Variants in HCN1 observed in about 807,000 individuals in gnomAD.
The protein encoded by HCN1 is hyperpolarization activated cyclic nucleotide gated potassium channel 1, also known as potassium/sodium hyperpolarization-activated cyclic nucleotide-gated channel 1.
Under a neutral mutation model 78.9 loss-of-function variants are expected in HCN1, and 13 were observed. That is an observed-to-expected ratio of 0.16 (90% CI 0.11 to 0.26). The LOEUF is 0.26. HCN1 is among the 10% of genes least tolerant of loss of function. HCN1 has a pLI of 1.00. For synonymous variants in HCN1, 552 were observed against 455.5 expected, an observed-to-expected ratio of 1.21 and a Z score of -2.70; for missense variants, 810 against 1,154.3, an observed-to-expected ratio of 0.70 and a Z score of 4.32.
At chr5:45,399,481 TGA>T (rs1357376541) in intron 3 of HCN1, among the ~76,000 whole-genome samples, 3 of 152,188 alleles carry the variant, frequency 2.0e-5, no homozygotes, top group African/African-American at 7.2e-5. Flanking sequence ...CTTTTGACAG[TGA>T]GGGGCTCTGT....
intron 2 of HCN1, among the ~76,000 whole-genome samples, chr5:45,621,110 G>A (rs540450065): frequency 2.0e-5 from 3 of 152,204 alleles, no homozygotes; most frequent in African/African-American, 7.2e-5. Context: ...AATGATTCTG[G>A]GTTGAGGACA....
chr5:45,294,995 T>A (rs554494764), intron 6 of HCN1, among the ~76,000 whole-genome samples: 2 of 152,196 alleles, frequency 1.3e-5, no homozygotes, highest in East Asian at 1.9e-4. Context: ...AAGAGGATGA[T>A]GAGATTATAA....
intron 1 of HCN1, among the ~76,000 whole-genome samples, chr5:45,692,647 C>G (rs570136672): frequency 1.3e-5 from 2 of 152,076 alleles, no homozygotes; most frequent in Admixed American, 1.3e-4. Flanking sequence ...GCCCTACTTA[C>G]GCCAGGGGTA....
At chr5:45,427,319 C>T (rs1009807397) in intron 3 of HCN1, among the ~76,000 whole-genome samples, 1 of 151,832 alleles carries the variant, frequency 6.6e-6, no homozygotes, top group African/African-American at 2.4e-5. Context: ...GTGGCTGTTC[C>T]CAGAATGTAG....
chr5:45,277,569 A>C (rs1045822058), intron 6 of HCN1, among the ~76,000 whole-genome samples: 1 of 152,176 alleles, frequency 6.6e-6, no homozygotes. Context: ...TGCATAAAAA[A>C]ACTAATTTCA....
At chr5:45,305,041 T>A (rs909431070) in intron 5 of HCN1, among the ~76,000 whole-genome samples, 3 of 152,166 alleles carry the variant, frequency 2.0e-5, no homozygotes, top group African/African-American at 7.2e-5. Context: ...TACCAATTAG[T>A]TACCCCAAAA....
At chr5:45,457,754 G>T (rs1312563067) in intron 3 of HCN1, among the ~76,000 whole-genome samples, 2 of 152,152 alleles carry the variant, frequency 1.3e-5, no homozygotes, top group African/African-American at 4.8e-5. Flanking sequence ...CATAAGGATA[G>T]AAGGGTGAAA....
In HCN1 at chr5:45,254,978, T is replaced by A. The variant is rs1428452947; in HGVS notation, c.*6943A>T. ...ACCACATTCATTTATTTTTATAATG[T>A]CAATGTATTATTGATAGCATTAAAA... is the stretch of plus-strand genomic sequence containing the variant. On this transcript the variant is annotated 3_prime_UTR_variant, in exon 8 of 8. Transcript: ENST00000303230. The A allele has an allele frequency of 6.6e-6, 1 of 152,236 alleles. No individual in the cohort carries two copies. Among genetic ancestry groups the A allele is most frequent in the African/African-American group, 2.4e-5 (1 of 41,458 alleles). 9.4% of individuals were successfully genotyped at this position (152,236 alleles called of 1,614,324 possible).
chr5:45,305,296 C>T (rs1245395933), intron 5 of HCN1, among the ~76,000 whole-genome samples: 2 of 152,106 alleles, frequency 1.3e-5, no homozygotes, highest in Non-Finnish European at 2.9e-5. Context: ...CAGGTGATAA[C>T]AGAAGGCACA....
At chr5:45,482,863 T>C (rs549055779) in intron 2 of HCN1, among the ~76,000 whole-genome samples, 2 of 152,270 alleles carry the variant, frequency 1.3e-5, no homozygotes, top group East Asian at 1.9e-4. Context: ...GTAGTATTTG[T>C]TTTTCCATTC....
intron 5 of HCN1, among the ~76,000 whole-genome samples, chr5:45,318,553 G>A (rs1292062933): frequency 6.6e-6 from 1 of 150,454 alleles, no homozygotes; most frequent in Non-Finnish European, 1.5e-5. Flanking sequence ...CCTAGAACTT[G>A]TATAATAAAA....
intron 1 of HCN1, among the ~76,000 whole-genome samples, chr5:45,679,708 A>C (rs1166766037): frequency 6.6e-6 from 1 of 152,146 alleles, no homozygotes; most frequent in Non-Finnish European, 1.5e-5. Flanking sequence ...TTTCAATACA[A>C]AAAGTAGATA....
intron 4 of HCN1, among the ~76,000 whole-genome samples, chr5:45,357,034 A>AT (rs1009329106): frequency 6.6e-6 from 1 of 151,484 alleles, no homozygotes. Flanking sequence ...ATTTAGTATT[A>AT]TTTTTTTTCT....
intron 1 of HCN1, 33 bp downstream of exon 1, chr5:45,695,636 A>G: frequency 6.2e-7 from 1 of 1,602,098 alleles, no homozygotes; most frequent in South Asian, 1.1e-5. Context: ...GCGCGCCTGA[A>G]GGGAGGGTGG....
chr5:45,665,037 T>G (rs1175858917), intron 1 of HCN1, among the ~76,000 whole-genome samples: 1 of 151,312 alleles, frequency 6.6e-6, no homozygotes, highest in Non-Finnish European at 1.5e-5. Context: ...AGCAAAGACT[T>G]GGAACCAACC....
At chr5:45,616,677 A>C (rs959891111) in intron 2 of HCN1, among the ~76,000 whole-genome samples, 4 of 152,036 alleles carry the variant, frequency 2.6e-5, no homozygotes, top group Non-Finnish European at 5.9e-5. Context: ...CAGGAAAAGA[A>C]GAAAGAGAAG....
chr5:45,682,301 A>C (rs1212808926), intron 1 of HCN1, among the ~76,000 whole-genome samples: 1 of 148,090 alleles, frequency 6.8e-6, no homozygotes, highest in African/African-American at 2.5e-5. Context: ...ACATATATAT[A>C]TCCCAATTTT....
chr5:45,670,513 T>C (rs16902207), intron 1 of HCN1, among the ~76,000 whole-genome samples: 260 of 151,800 alleles, frequency 1.7e-3, no homozygotes, highest in African/African-American at 5.6e-3. Flanking sequence ...TTAAGAATCA[T>C]CCTCAATTAG....
Position 45,402,473 on chromosome 5 carries a change from C to T in HCN1, c.1012-5763G>A, listed in dbSNP as rs1579870774. On this transcript the variant is annotated intron_variant, in intron 3 of 7. Coordinates refer to ENST00000303230, the MANE Select transcript of HCN1 (RefSeq NM_021072.4). ...AATTCTGCAGTTCAGAGGAGACTCC[C>T]TCTCCTGCCTCACAACAAAAAATTG... is the stretch of plus-strand genomic sequence containing the variant. Among the ~76,000 whole-genome samples the T allele has an allele frequency of 2.6e-5, 4 of 152,198 alleles. 1 individual carries two copies. The highest frequency in any genetic ancestry group is 2.6e-4 in the Admixed American group (4 of 15,280).
Sources: allele counts gnomAD v4.1 joint callset (sites outside exome capture counted in the v4.1 genomes callset), GRCh38; gene constraint gnomAD v4.1.1; transcripts MANE v1.5; gene names NCBI Gene and HGNC (gene_info 2026-07-23, HGNC 2026-07-21).